The following GLYATL2 variants were observed in gnomAD, a reference collection of about 807,000 sequenced individuals.
GLYATL2 encodes glycine-N-acyltransferase like 2.
A neutral mutation model predicts 21.4 loss-of-function variants in GLYATL2; 25 were observed. That is an observed-to-expected ratio of 1.17 (90% CI 0.85 to 1.63). The LOEUF is 1.63. Ranked by LOEUF, GLYATL2 falls within the 40% of genes most tolerant of loss-of-function variation. GLYATL2 has a pLI of 0.00. For missense variants in GLYATL2, 361 were observed against 343.3 expected, an observed-to-expected ratio of 1.05 and a Z score of -0.41; for synonymous variants, 114 against 118.2, an observed-to-expected ratio of 0.96 and a Z score of 0.23.
intron 1 of GLYATL2, among the ~76,000 whole-genome samples, chr11:58,877,265 G>T (rs913511705): frequency 6.6e-6 from 1 of 152,202 alleles, no homozygotes; most frequent in Non-Finnish European, 1.5e-5. Context: ...CCCTGCTTTG[G>T]CTCATGTATG....
chr11:58,874,349 T>C (rs1400668469), intron 1 of GLYATL2, among the ~76,000 whole-genome samples: 1 of 152,098 alleles, frequency 6.6e-6, no homozygotes, highest in Non-Finnish European at 1.5e-5. Flanking sequence ...TGTGTTTGCT[T>C]TTGCTTCTCT....
At chr11:58,839,495 T>C in intron 2 of GLYATL2, 40 bp downstream of exon 2, 2 of 1,326,324 alleles carry the variant, frequency 1.5e-6, no homozygotes, top group South Asian at 1.3e-5. Context: ...TCCTCTCAAC[T>C]CAACCCTCTC....
intron 1 of GLYATL2, among the ~76,000 whole-genome samples, chr11:58,850,848 C>CATCT (rs1182057314): frequency 2.0e-5 from 3 of 152,132 alleles, no homozygotes; most frequent in Non-Finnish European, 2.9e-5. Context: ...GAGGCCTAAC[C>CATCT]ATCTCCCTGT....
intron 5 of GLYATL2, among the ~76,000 whole-genome samples, chr11:58,835,742 A>G (rs1225762722): frequency 6.6e-6 from 1 of 152,140 alleles, no homozygotes; most frequent in African/African-American, 2.4e-5. Context: ...TCTCCTGTGG[A>G]TAGCCAAACC....
rs374764186 is a variant in GLYATL2, at chr11:58,893,266, C to G, written n.60+10890G>C. On this transcript the variant is annotated intron_variant and non_coding_transcript_variant, in intron 1 of 4. Coordinates refer to the GLYATL2 transcript ENST00000533636. ...AATGGCCTACAGCATGAAAAAATACCGAAGGAGAGGCAACATAACATAGGT... is the reference window on the plus strand; with the variant it reads ...AATGGCCTACAGCATGAAAAAATACGGAAGGAGAGGCAACATAACATAGGT... 1.2e-5 allele frequency: 3 copies of G among 254,934 alleles called. No homozygotes were observed. The East Asian group carries it at 2.5e-4, about 21-fold the overall frequency. The allele number at this position is 254,934 out of a possible 1,614,324, so 15.8% of individuals were successfully genotyped here.
chr11:58,901,288 G>A (rs556397482), intron 1 of GLYATL2, among the ~76,000 whole-genome samples: 1 of 152,136 alleles, frequency 6.6e-6, no homozygotes, highest in Admixed American at 6.5e-5. Flanking sequence ...TACCGATGGA[G>A]CTCAGCGATA....
At chr11:58,905,473 G>C (rs1186164892), upstream of GLYATL2, 3 of 456,158 alleles carry the variant, frequency 6.6e-6, no homozygotes, top group African/African-American at 6.0e-5. Context: ...ACCTTGGCGG[G>C]CTATTCCCCT....
intron 3 of GLYATL2, 147 bp from the exon 4 acceptor site, chr11:58,837,544 G>A (rs1333442132): frequency 2.2e-5 from 16 of 712,994 alleles, no homozygotes; most frequent in Non-Finnish European, 2.8e-5. Context: ...GTCACTTCAA[G>A]AATAACTCAC....
Position 58,837,270 on chromosome 11 carries a change from C to T in GLYATL2, c.313+1G>A, listed in dbSNP as rs779421930. 1.4e-5 allele frequency: 22 copies of T among 1,613,604 alleles called. No individual in the cohort carries two copies. Among genetic ancestry groups the T allele is most frequent in the African/African-American group, 5.3e-5 (4 of 74,896 alleles). ...TTTTTCTTTTAACTCAGACTAGTTA[C>T]CTTGGATCTGCAAAGTTTGCTCCCA... On this transcript the variant is annotated splice_donor_variant, in intron 4 of 5. Coordinates refer to ENST00000287275, the MANE Select transcript of GLYATL2 (RefSeq NM_145016.4). LOFTEE classifies it high-confidence loss of function.
At chr11:58,857,540 G>A (rs1197452387) in intron 1 of GLYATL2, among the ~76,000 whole-genome samples, 3 of 152,088 alleles carry the variant, frequency 2.0e-5, no homozygotes, top group African/African-American at 4.8e-5. Flanking sequence ...AGCCCAGAGC[G>A]GGAACCGTTA....
At chr11:58,876,169 G>T (rs1043814000) in intron 1 of GLYATL2, among the ~76,000 whole-genome samples, 2 of 152,208 alleles carry the variant, frequency 1.3e-5, no homozygotes, top group East Asian at 3.9e-4. Context: ...CTCTGCATTG[G>T]TTATTCTAGT....
intron 1 of GLYATL2, among the ~76,000 whole-genome samples, chr11:58,883,552 C>T (rs1176350702): frequency 6.6e-6 from 1 of 152,156 alleles, no homozygotes; most frequent in Non-Finnish European, 1.5e-5. Flanking sequence ...CAATAACAGG[C>T]TCTGAAATTG....
At chr11:58,905,732 GACAAATAGGGA>G, upstream of GLYATL2, 12 of 107,826 alleles carry the variant, frequency 1.1e-4, no homozygotes, top group South Asian at 4.9e-4. Context: ...GGGTCATCTG[GACAAATAGGGA>G]GGGTGGGCGG....
intron 1 of GLYATL2, among the ~76,000 whole-genome samples, chr11:58,875,877 CAG>C (rs1467184072): frequency 6.6e-6 from 1 of 152,216 alleles, no homozygotes; most frequent in African/African-American, 2.4e-5. Context: ...TAATATCCTG[CAG>C]AGTGTTTTCC....
intron 1 of GLYATL2, among the ~76,000 whole-genome samples, chr11:58,861,461 T>G (rs1853930001): frequency 6.6e-6 from 1 of 151,886 alleles, no homozygotes; most frequent in South Asian, 2.1e-4. Flanking sequence ...TCTTTTTTTC[T>G]TTTTTTCCCC....
chr11:58,903,173 A>G (rs543391555), intron 1 of GLYATL2, among the ~76,000 whole-genome samples: 16 of 152,332 alleles, frequency 1.1e-4, no homozygotes, highest in African/African-American at 3.6e-4. Flanking sequence ...CCTAGGCTCA[A>G]GGAGCAGGGA....
Position 58,842,000 on chromosome 11 carries a change from C to T in GLYATL2, c.-40-2348G>A, listed in dbSNP as rs185449681. ...GAAGGACAGAGGAGAGGTACAAGAG[C>T]TCAAAAAAGGCATTTCTCTTATTAG... On this transcript the variant is annotated intron_variant, in intron 1 of 5. Coordinates refer to ENST00000287275, the MANE Select transcript of GLYATL2 (RefSeq NM_145016.4). Among the ~76,000 whole-genome samples, 236 of 152,100 alleles carry T rather than the reference C, an allele frequency of 1.6e-3. 1 individual carries two copies. Among genetic ancestry groups the T allele is most frequent in the African/African-American group, 5.3e-3 (219 of 41,470 alleles).
chr11:58,845,248 A>T (rs1025498339), upstream of GLYATL2, among the ~76,000 whole-genome samples: 3 of 152,182 alleles, frequency 2.0e-5, no homozygotes, highest in Non-Finnish European at 2.9e-5. Flanking sequence ...TATCTAAAAG[A>T]ATCTGATCAA....
chr11:58,855,036 A>T lies in GLYATL2; in HGVS notation n.61-16668T>A, dbSNP rs549095427. Among the ~76,000 whole-genome samples, 5 of 152,328 alleles carry T rather than the reference A, an allele frequency of 3.3e-5. No homozygotes were observed. In the South Asian group the frequency reaches 6.2e-4, roughly 19 times the overall value. ...CCTCCATTTAAATCTTGAACACTTC[A>T]AAGTTATCTGCAAGGATTGGAATCA... is the stretch of plus-strand genomic sequence containing the variant. On this transcript the variant is annotated intron_variant and non_coding_transcript_variant, in intron 1 of 4. Transcript: ENST00000533636.
Sources: allele counts gnomAD v4.1 joint callset (sites outside exome capture counted in the v4.1 genomes callset), GRCh38; gene constraint gnomAD v4.1.1; transcripts MANE v1.5; gene names NCBI Gene and HGNC (gene_info 2026-07-23, HGNC 2026-07-21).